The following TRIM22 variants were observed in gnomAD, a reference collection of about 807,000 sequenced individuals.
TRIM22 encodes E3 ubiquitin-protein ligase TRIM22.
Under a neutral mutation model 53.6 loss-of-function variants are expected in TRIM22, and 45 were observed. The observed-to-expected ratio is 0.84, with a 90% CI of 0.66 to 1.08. The LOEUF (loss-of-function observed/expected upper bound fraction) is 1.08. TRIM22 is among the 50% of genes least tolerant of loss of function. The probability of loss-of-function intolerance (pLI) is 0.00; values close to 1 mark genes in which losing one functional copy is unlikely to be tolerated. For missense variants in TRIM22, 616 were observed against 590.9 expected (o/e 1.04, Z -0.44); for synonymous variants, 225 against 216.6 (o/e 1.04, Z -0.34).
rs1284688452 is a variant in TRIM22 at position 5,709,474 on chromosome 11, T to A, written c.1323T>A (p.Cys441Ter). 1.2e-6 allele frequency: 2 copies of A among 1,614,238 alleles called. No homozygotes were observed. The highest frequency in any genetic ancestry group is 1.7e-6 in the Non-Finnish European group (2 of 1,180,040). ...CTCTCTTTATGGCTGTGCCTCCCTGTCGTATTGGGGTTTTCCTAGACTATG... is the reference window on the plus strand; with the variant it reads ...CTCTCTTTATGGCTGTGCCTCCCTGACGTATTGGGGTTTTCCTAGACTATG... Reference protein sequence around the residue: ...VLTLFMAVPPCRIGVFLDYEA... With the variant: ...VLTLFMAVPP Residue 441 changes from cysteine to a stop codon, truncating the protein, a stop_gained, in exon 8 of 8, where the codon TGT becomes TGA. Coordinates refer to ENST00000379965, the MANE Select transcript of TRIM22 (RefSeq NM_006074.5). LOFTEE classifies it high-confidence loss of function.
intron 1 of TRIM22, among the ~76,000 whole-genome samples, chr11:5,690,618 G>A (rs1351040034): frequency 6.6e-6 from 1 of 152,090 alleles, no homozygotes; most frequent in Admixed American, 6.5e-5. Context: ...GTGGGGAGGG[G>A]CACTGTGAAT....
Sources: allele counts gnomAD v4.1 joint callset (sites outside exome capture counted in the v4.1 genomes callset), GRCh38; gene constraint gnomAD v4.1.1; transcripts MANE v1.5; gene names NCBI Gene and HGNC (gene_info 2026-07-23, HGNC 2026-07-21).